The following LRRC7 variants were observed in gnomAD, a reference collection of about 807,000 sequenced individuals.
LRRC7 encodes the protein leucine rich repeat containing 7, also known as leucine-rich repeat-containing protein 7.
LRRC7 carries 23 observed loss-of-function variants against 175.7 expected under a neutral mutation model. The observed-to-expected ratio is 0.13, with a 90% CI of 0.09 to 0.19. The LOEUF is 0.19. LRRC7 is among the 10% of genes least tolerant of loss of function. The pLI is 1.00. For missense variants in LRRC7, 1,354 were observed against 1,904.7 expected (o/e 0.71, Z 5.38); for synonymous variants, 685 against 680.9 (o/e 1.01, Z -0.09).
chr1:69,919,954 G>C (rs1319002543), intron 7 of LRRC7: 1 of 588,024 alleles, frequency 1.7e-6, no homozygotes, highest in East Asian at 3.2e-5. Flanking sequence ...AAATGGCTGG[G>C]AGGGGGCCCT....
intron 23 of LRRC7, among the ~76,000 whole-genome samples, chr1:70,073,316 C>T (rs79549363): frequency 0.025 from 3,846 of 152,158 alleles, 187 homozygotes; most frequent in African/African-American, 0.089. Context: ...CCTGAGCTCA[C>T]ATCCTGTCCT....
chr1:69,843,621 C>T (rs1403687351), intron 7 of LRRC7, among the ~76,000 whole-genome samples: 2 of 151,994 alleles, frequency 1.3e-5, no homozygotes, highest in Non-Finnish European at 2.9e-5. Context: ...GGTTCAGAAA[C>T]TCTGTAGTAC....
At chr1:70,023,539 T>C (rs1330655992) in intron 17 of LRRC7, among the ~76,000 whole-genome samples, 165 bp downstream of exon 17, 1 of 152,078 alleles carries the variant, frequency 6.6e-6, no homozygotes, top group Non-Finnish European at 1.5e-5. Context: ...TTTATTGACA[T>C]TGGCAATGGG....
At chr1:70,063,768 A>G (rs1236244239) in intron 23 of LRRC7, among the ~76,000 whole-genome samples, 1 of 152,040 alleles carries the variant, frequency 6.6e-6, no homozygotes, top group African/African-American at 2.4e-5. Context: ...CATAGGTTGA[A>G]AAGTGTAGAC....
chr1:69,830,769 C>T (rs749442161), intron 5 of LRRC7, among the ~76,000 whole-genome samples: 13 of 151,820 alleles, frequency 8.6e-5, no homozygotes, highest in African/African-American at 1.7e-4. Context: ...ACTATGTAAT[C>T]GTATTCTTAA....
At chr1:70,032,979 G>C (rs763802353) in intron 18 of LRRC7, among the ~76,000 whole-genome samples, 1 of 152,148 alleles carries the variant, frequency 6.6e-6, no homozygotes, top group Non-Finnish European at 1.5e-5. Flanking sequence ...GTCATTGCCC[G>C]TAGAAGTAGT....
At chr1:70,098,361 G>C (rs930318226) in intron 25 of LRRC7, among the ~76,000 whole-genome samples, 54 of 151,200 alleles carry the variant, frequency 3.6e-4, no homozygotes, top group African/African-American at 5.6e-4. Flanking sequence ...GCCCACAAGA[G>C]AAAGCAGGAA....
intron 8 of LRRC7, among the ~76,000 whole-genome samples, chr1:69,952,606 A>G (rs903177788): frequency 1.3e-5 from 2 of 152,120 alleles, no homozygotes; most frequent in Non-Finnish European, 2.9e-5. Context: ...TATGTTAATA[A>G]GACAAATACA....
chr1:69,665,837 C>A (rs968919077), intron 1 of LRRC7, among the ~76,000 whole-genome samples: 1 of 151,870 alleles, frequency 6.6e-6, no homozygotes, highest in Admixed American at 6.6e-5. Context: ...GCTCATTGCC[C>A]TATCTAGAAA....
At position 70,000,804 on chromosome 1, in the gene LRRC7, C is replaced by A. The variant is rs1655450462; in HGVS notation, c.1004+6171C>A. Among the ~76,000 whole-genome samples the A allele has an allele frequency of 2.0e-5, 3 of 152,156 alleles. No individual in the cohort carries two copies. The South Asian group carries it at 6.2e-4, about 32-fold the overall frequency. ...CGGTTCTGATCCAGTAGGTCTGGGA[C>A]CTGAAGGGCCTGGGTTCTGCCCTTG... On this transcript the variant is annotated intron_variant, in intron 11 of 26. Transcript: ENST00000651989.
chr1:69,871,142 ATAAAGATTTATG>A (rs1474514925), intron 7 of LRRC7, among the ~76,000 whole-genome samples: 1 of 152,120 alleles, frequency 6.6e-6, no homozygotes, highest in Non-Finnish European at 1.5e-5. Flanking sequence ...GCTTGCCATT[ATAAAGATTTATG>A]TATTGATCAC....
At chr1:69,682,065 T>C (rs1386261810) in intron 2 of LRRC7, among the ~76,000 whole-genome samples, 1 of 152,158 alleles carries the variant, frequency 6.6e-6, no homozygotes, top group East Asian at 1.9e-4. Context: ...ATTTGTTTCC[T>C]TGTGGTGGTA....
intron 7 of LRRC7, among the ~76,000 whole-genome samples, chr1:69,876,984 G>A (rs1190384476): frequency 2.0e-5 from 3 of 152,062 alleles, no homozygotes; most frequent in Admixed American, 6.6e-5. Flanking sequence ...TGAAGCCTGA[G>A]GAGTCTTTCA....
At chr1:69,919,447 C>A in intron 7 of LRRC7, 1 of 970,720 alleles carries the variant, frequency 1.0e-6, no homozygotes. Context: ...CATCACTAAC[C>A]CCAGCCAGTG....
chr1:69,991,359 T>C (rs1557964316), intron 10 of LRRC7, among the ~76,000 whole-genome samples: 1 of 152,178 alleles, frequency 6.6e-6, no homozygotes, highest in Non-Finnish European at 1.5e-5. Flanking sequence ...GGTGGTATTA[T>C]ATATTTTACA....
At chr1:69,969,159 A>G (rs1158934003) in intron 8 of LRRC7, among the ~76,000 whole-genome samples, 3 of 152,104 alleles carry the variant, frequency 2.0e-5, no homozygotes, top group Admixed American at 6.6e-5. Context: ...AAACACATCA[A>G]AACAGAACCT....
chr1:69,699,926 C>A (rs563390653), intron 2 of LRRC7, among the ~76,000 whole-genome samples: 1 of 152,286 alleles, frequency 6.6e-6, no homozygotes, highest in South Asian at 2.1e-4. Context: ...TTCCAGCTGG[C>A]TGAGGGGTCC....
At position 70,138,739 on chromosome 1, in the gene LRRC7, G is replaced by C. The variant is rs1375700530; in HGVS notation, c.*16852G>C. 6.6e-6 allele frequency: 1 copy of C among 152,176 alleles called. No homozygotes were observed. Among genetic ancestry groups the C allele is most frequent in the Non-Finnish European group, 1.5e-5 (1 of 68,038 alleles). The allele number at this position is 152,176 out of a possible 1,614,324, so 9.4% of individuals were successfully genotyped here. The stretch of plus-strand genomic sequence containing the variant: ...ACCATTAAATACAGTAGTATCTGGT[G>C]GCCTTTCTGTGTGGAGGAGCTCGTT... On this transcript the variant is annotated 3_prime_UTR_variant, in exon 27 of 27. Coordinates refer to ENST00000651989, the MANE Select transcript of LRRC7 (RefSeq NM_001370785.2).
At chr1:69,587,667 G>C (rs1016707692) in intron 1 of LRRC7, among the ~76,000 whole-genome samples, 4 of 152,132 alleles carry the variant, frequency 2.6e-5, no homozygotes, top group African/African-American at 4.8e-5. Flanking sequence ...CGTGGGGGTG[G>C]TTTCCCCCAC....
Sources: allele counts gnomAD v4.1 joint callset (sites outside exome capture counted in the v4.1 genomes callset), GRCh38; gene constraint gnomAD v4.1.1; transcripts MANE v1.5; gene names NCBI Gene and HGNC (gene_info 2026-07-23, HGNC 2026-07-21).